KCNJ6: variants seen among roughly 807,000 people sequenced by gnomAD.
KCNJ6 encodes the protein G protein-activated inward rectifier potassium channel 2.
Under a neutral mutation model 34.2 loss-of-function variants are expected in KCNJ6, and 9 were observed. That is an observed-to-expected ratio of 0.26 (90% CI 0.16 to 0.46). KCNJ6 has a LOEUF of 0.46. Among genes scored for constraint, KCNJ6 ranks in the 20% least tolerant of loss-of-function variants. KCNJ6 has a pLI of 1.00. For synonymous variants in KCNJ6, 196 were observed against 207.1 expected (o/e 0.95, Z 0.46); for missense variants, 236 against 531.3 (o/e 0.44, Z 5.46).
At chr21:37,896,010 G>A (rs1389503600) in intron 1 of KCNJ6, among the ~76,000 whole-genome samples, 1 of 152,184 alleles carries the variant, frequency 6.6e-6, no homozygotes, top group Non-Finnish European at 1.5e-5. Flanking sequence ...GGGGCTCACG[G>A]TTCTGCAGGC....
intron 2 of KCNJ6, among the ~76,000 whole-genome samples, chr21:37,733,492 A>G (rs2054896786): frequency 6.6e-6 from 1 of 152,192 alleles, no homozygotes; most frequent in African/African-American, 2.4e-5. Flanking sequence ...ATCACTTGGT[A>G]CCTGTTCTTT....
At position 37,621,457 on chromosome 21, in the gene KCNJ6, G is replaced by GT. The variant is rs1266053293; in HGVS notation, c.*3701dup. ...AAATAAAAAAGCAAAGGGGAAAAAA[G>GT]TAAGAAAACTGAAATGTAAGAAAAT... On this transcript the variant is annotated 3_prime_UTR_variant, in exon 4 of 4. Coordinates refer to ENST00000609713, the MANE Select transcript of KCNJ6 (RefSeq NM_002240.5). 1 of 152,100 alleles carries GT rather than the reference G, an allele frequency of 6.6e-6. No homozygotes were observed. The highest frequency in any genetic ancestry group is 2.4e-5 in the African/African-American group (1 of 41,414). The allele number at this position is 152,100 out of a possible 1,614,324, so 9.4% of individuals were successfully genotyped here.
chr21:37,753,831 C>T (rs913102234), intron 2 of KCNJ6, among the ~76,000 whole-genome samples: 9 of 151,710 alleles, frequency 5.9e-5, no homozygotes, highest in Non-Finnish European at 1.2e-4. Context: ...GGGGCAGGTC[C>T]CAGTCCCTAC....
intron 3 of KCNJ6, among the ~76,000 whole-genome samples, chr21:37,630,527 G>A (rs2054329550): frequency 2.0e-5 from 3 of 152,268 alleles, no homozygotes; most frequent in Admixed American, 2.0e-4. Flanking sequence ...AAGATGGCTT[G>A]TGAGTCATTA....
intron 3 of KCNJ6, among the ~76,000 whole-genome samples, chr21:37,677,775 T>TCCATCCATCCATCCATCCATCCATCCAC (rs1569443660): frequency 1.5e-5 from 2 of 129,482 alleles, no homozygotes; most frequent in Admixed American, 7.7e-5. Flanking sequence ...CATTTGTCCA[T>TCCATCCATCCATCCATCCATCCATCCAC]CCATCCATCC....
At chr21:37,914,312 T>G (rs1197169451) in intron 1 of KCNJ6, among the ~76,000 whole-genome samples, 1 of 152,208 alleles carries the variant, frequency 6.6e-6, no homozygotes, top group Non-Finnish European at 1.5e-5. Context: ...GAGTGGGTAC[T>G]GCTTGCTGGG....
intron 3 of KCNJ6, among the ~76,000 whole-genome samples, chr21:37,657,451 G>A (rs957527283): frequency 7.2e-5 from 11 of 152,178 alleles, no homozygotes; most frequent in Non-Finnish European, 1.5e-5. Flanking sequence ...AACCTTCTCT[G>A]CCATAAGGAC....
At chr21:37,825,117 C>G (rs1372438887) in intron 2 of KCNJ6, among the ~76,000 whole-genome samples, 1 of 152,100 alleles carries the variant, frequency 6.6e-6, no homozygotes, top group African/African-American at 2.4e-5. Flanking sequence ...GTGGGGTATT[C>G]TCTCCAAGTC....
intron 3 of KCNJ6, among the ~76,000 whole-genome samples, chr21:37,696,099 A>C (rs1368981375): frequency 6.6e-6 from 1 of 152,242 alleles, no homozygotes; most frequent in East Asian, 1.9e-4. Flanking sequence ...TTATAGCTGA[A>C]AGAGAACACA....
chr21:37,822,197 C>T (rs1017012851), intron 2 of KCNJ6, among the ~76,000 whole-genome samples: 13 of 152,206 alleles, frequency 8.5e-5, no homozygotes, highest in Admixed American at 7.2e-4. Flanking sequence ...TGACAGGTCC[C>T]TTGTCATGCT....
intron 3 of KCNJ6, among the ~76,000 whole-genome samples, chr21:37,668,763 G>A (rs2054528788): frequency 6.6e-6 from 1 of 152,180 alleles, no homozygotes; most frequent in Admixed American, 6.5e-5. Context: ...CAATTCTGCT[G>A]AGGAAGGAGA....
At chr21:37,820,214 G>A (rs1416427609) in intron 2 of KCNJ6, among the ~76,000 whole-genome samples, 1 of 152,146 alleles carries the variant, frequency 6.6e-6, no homozygotes, top group African/African-American at 2.4e-5. Flanking sequence ...TCCTATATAA[G>A]CAAGATCTTA....
intron 3 of KCNJ6, among the ~76,000 whole-genome samples, chr21:37,686,270 G>A (rs561995997): frequency 6.6e-6 from 1 of 152,090 alleles, no homozygotes; most frequent in Non-Finnish European, 1.5e-5. Context: ...GTTGAGGAGG[G>A]GGACAGGTGA....
chr21:37,663,798 T>C (rs2054501107), intron 3 of KCNJ6, among the ~76,000 whole-genome samples: 4 of 152,120 alleles, frequency 2.6e-5, no homozygotes, highest in Admixed American at 2.0e-4. Flanking sequence ...TATCAGTAAT[T>C]GAAAAATTAA....
At chr21:37,687,103 G>T (rs1302434118) in intron 3 of KCNJ6, among the ~76,000 whole-genome samples, 1 of 152,098 alleles carries the variant, frequency 6.6e-6, no homozygotes, top group Non-Finnish European at 1.5e-5. Context: ...TGATCCAAAG[G>T]CCCCAGGCCC....
chr21:37,806,552 A>T (rs544603256), intron 2 of KCNJ6, among the ~76,000 whole-genome samples: 160 of 152,208 alleles, frequency 1.1e-3, no homozygotes, highest in African/African-American at 3.7e-3. Flanking sequence ...TGCTGAGGAG[A>T]TTTATTGATC....
intron 1 of KCNJ6, among the ~76,000 whole-genome samples, chr21:37,904,989 C>T (rs1047672832): frequency 6.6e-6 from 1 of 152,184 alleles, no homozygotes; most frequent in Non-Finnish European, 1.5e-5. Flanking sequence ...AGCTCTCTGC[C>T]CAGCACCGCT....
At position 37,616,836 on chromosome 21, in the gene KCNJ6, TC is replaced by T. The variant is rs1161051937; in HGVS notation, c.*8322del. 2 of 151,538 alleles carry T rather than the reference TC, an allele frequency of 1.3e-5. No individual in the cohort carries two copies. Among genetic ancestry groups the T allele is most frequent in the Non-Finnish European group, 2.9e-5 (2 of 67,936 alleles). The allele number at this position is 151,538 out of a possible 1,614,324, so 9.4% of individuals were successfully genotyped here. ...GGAATGGTTGGCTGACAATCTGCCA[TC>T]ACCCGAAAGCTGTGTGGGCACCAGG... On this transcript the variant is annotated 3_prime_UTR_variant, in exon 4 of 4. Transcript: ENST00000609713.
At chr21:37,739,119 T>C (rs531279064) in intron 2 of KCNJ6, among the ~76,000 whole-genome samples, 6 of 152,202 alleles carry the variant, frequency 3.9e-5, no homozygotes, top group Non-Finnish European at 8.8e-5. Context: ...TTTTGAAGAG[T>C]AATAATGTAA....
Sources: allele counts gnomAD v4.1 joint callset (sites outside exome capture counted in the v4.1 genomes callset), GRCh38; gene constraint gnomAD v4.1.1; transcripts MANE v1.5; gene names NCBI Gene and HGNC (gene_info 2026-07-23, HGNC 2026-07-21).